COL4A4: variants seen among roughly 807,000 people sequenced by gnomAD.
The protein encoded by COL4A4 is collagen alpha-4(IV) chain.
In COL4A4, 105 loss-of-function variants were observed where a neutral mutation model predicts 192.9. The ratio of observed to expected loss-of-function variants is 0.54; its 90% CI spans 0.46 to 0.64. The LOEUF (loss-of-function observed/expected upper bound fraction) is 0.64, where lower values mean the gene tolerates loss of function less well. Among genes scored for constraint, COL4A4 ranks in the 30% least tolerant of loss-of-function variants. The pLI is 0.00. For missense variants in COL4A4, 1,967 were observed against 2,169.3 expected (o/e 0.91, Z 1.85); for synonymous variants, 762 against 769.9 (o/e 0.99, Z 0.17).
Position 227,077,911 on chromosome 2 carries a change from C to G in COL4A4, c.1970G>C (p.Gly657Ala), listed in dbSNP as rs755233004. 6.2e-7 allele frequency: 1 copy of G among 1,613,246 alleles called. No homozygotes were observed. Among genetic ancestry groups the G allele is most frequent in the Admixed American group, 1.7e-5 (1 of 60,022 alleles). ...PGHPGVRGPD[G>A]LKGQKGDTIS... ...AAAATTACCTTTCTGACCCTTCAAG[C>G]CATCAGGGCCCCTCACACCTGGGTG... Residue 657 changes from glycine to alanine, a missense_variant, in exon 25 of 48, where the codon GGC becomes GCC. Gly to Ala is a moderately conservative substitution (Grantham distance 60). Coordinates refer to ENST00000396625, the MANE Select transcript of COL4A4 (RefSeq NM_000092.5).
chr2:227,148,970 T>C (rs2063738373), intron 1 of COL4A4, among the ~76,000 whole-genome samples: 1 of 151,828 alleles, frequency 6.6e-6, no homozygotes. Context: ...GCCTCCTGAG[T>C]AGTTAGTGTG....
chr2:227,068,240 A>C (rs2150365366), intron 25 of COL4A4, among the ~76,000 whole-genome samples: 2 of 152,200 alleles, frequency 1.3e-5, no homozygotes, highest in African/African-American at 4.8e-5. Flanking sequence ...CTTACCAACT[A>C]AAAAGGGTCC....
At position 227,077,635 on chromosome 2, in the gene COL4A4, A is replaced by G. The variant is rs367804928; in HGVS notation, c.1987+259T>C. On this transcript the variant is annotated intron_variant, in intron 25 of 47. Coordinates refer to ENST00000396625, the MANE Select transcript of COL4A4 (RefSeq NM_000092.5). Reference sequence around the variant, plus strand: ...TATGTAACAAACCTGCTCATTCTACATATGTATCCCAGAACTTAAAGTAAA... The same window carrying G: ...TATGTAACAAACCTGCTCATTCTACGTATGTATCCCAGAACTTAAAGTAAA... 2.6e-5 allele frequency among the ~76,000 whole-genome samples: 4 copies of G among 152,152 alleles called. No individual in the cohort carries two copies. The East Asian group carries it at 7.7e-4, about 29-fold the overall frequency.
intron 3 of COL4A4, among the ~76,000 whole-genome samples, chr2:227,141,593 T>C (rs889509130): frequency 2.3e-4 from 35 of 152,242 alleles, no homozygotes; most frequent in African/African-American, 8.4e-4. Flanking sequence ...CAAAAGAAAA[T>C]ATCTTTAAGC....
At chr2:227,028,030 A>C (rs1392399241) in intron 41 of COL4A4, 21 bp from the exon 42 acceptor site, 5 of 1,473,380 alleles carry the variant, frequency 3.4e-6, no homozygotes, top group Non-Finnish European at 4.7e-6. Flanking sequence ...AACAAAACAT[A>C]AAAATGAGGG....
At chr2:227,149,128 C>T (rs991672602) in intron 1 of COL4A4, among the ~76,000 whole-genome samples, 7 of 152,060 alleles carry the variant, frequency 4.6e-5, no homozygotes, top group African/African-American at 9.7e-5. Flanking sequence ...AGATTACAGG[C>T]GTGAGCCACT....
intron 4 of COL4A4, among the ~76,000 whole-genome samples, chr2:227,135,291 G>A (rs571428716): frequency 3.7e-4 from 57 of 152,248 alleles, no homozygotes; most frequent in Non-Finnish European, 4.6e-4. Context: ...CTCTGAACCC[G>A]AAAAAGATCA....
At chr2:227,133,187 G>C (rs1163167042) in intron 4 of COL4A4, among the ~76,000 whole-genome samples, 2 of 152,166 alleles carry the variant, frequency 1.3e-5, no homozygotes, top group Non-Finnish European at 2.9e-5. Context: ...CACATGAGGA[G>C]ACCAAAGGCC....
chr2:226,983,047 T>G, the COL4A4 span, among the ~76,000 whole-genome samples: 1 of 152,206 alleles, frequency 6.6e-6, no homozygotes, highest in African/African-American at 2.4e-5. Flanking sequence ...GAAACCTACT[T>G]GTACTAAACC....
downstream of COL4A4, chr2:226,998,200 C>T (rs1426348036): frequency 6.6e-6 from 1 of 152,182 alleles, no homozygotes; most frequent in Non-Finnish European, 1.5e-5. Flanking sequence ...CTCTTAATGA[C>T]TCTGAATGTA....
chr2:227,033,760 G>A (rs1396028896), intron 37 of COL4A4, among the ~76,000 whole-genome samples: 1 of 152,256 alleles, frequency 6.6e-6, no homozygotes, highest in African/African-American at 2.4e-5. Flanking sequence ...ATATGGTCTA[G>A]AATTACTGAA....
At position 227,119,902 on chromosome 2, in the gene COL4A4, C is replaced by T; in HGVS notation, c.365G>A (p.Gly122Asp). 1.3e-6 allele frequency: 2 copies of T among 1,582,802 alleles called. No individual in the cohort carries two copies. The highest frequency in any genetic ancestry group is 1.2e-5 in the South Asian group (1 of 84,134). The change falls in exon 6 of 48, where the codon GGC (glycine) becomes GAC (aspartate). Residue 122 changes from glycine to aspartate, a missense_variant. Physicochemically the swap from Gly to Asp is moderately conservative, Grantham distance 94 (BLOSUM62 -1). Coordinates refer to ENST00000396625, the MANE Select transcript of COL4A4 (RefSeq NM_000092.5). ...AAATTTAGGGATACTTACAGGTATG[C>T]CATCTAAACCTGGAAATCCAGGAAC... ...TGVPGFPGLD[G>D]IPGHPGPPGP...
chr2:227,158,505 C>T lies in COL4A4; in HGVS notation c.-102+5502G>A, dbSNP rs141238804. Among the ~76,000 whole-genome samples, 980 of 152,016 alleles carry T rather than the reference C, an allele frequency of 6.4e-3. 5 individuals are homozygous for T. Among genetic ancestry groups the T allele is most frequent in the South Asian group, 0.042 (204 of 4,824 alleles). On this transcript the variant is annotated intron_variant, in intron 1 of 47. Transcript: ENST00000396625. ...TATTCCATCAAAATAAAAACTTTTG[C>T]TTCTTAAAAATAATAAGAAAATGAA...
chr2:227,107,253 T>C (rs764041538), intron 12 of COL4A4, among the ~76,000 whole-genome samples: 1 of 152,164 alleles, frequency 6.6e-6, no homozygotes, highest in Non-Finnish European at 1.5e-5. Flanking sequence ...CATTTTAAGT[T>C]GTCACAATTG....
chr2:227,102,057 A>G, intron 15 of COL4A4, 148 bp from the exon 16 acceptor site: 1 of 599,702 alleles, frequency 1.7e-6, no homozygotes, highest in Non-Finnish European at 3.0e-6. Context: ...TAAATATAAA[A>G]TAGATTCCAT....
chr2:227,112,272 C>CTTTT (rs544939081), intron 8 of COL4A4, among the ~76,000 whole-genome samples: 5 of 144,802 alleles, frequency 3.5e-5, no homozygotes, highest in African/African-American at 1.3e-4. Flanking sequence ...ACATTTCAAC[C>CTTTT]TTTTTTTTTT....
downstream of COL4A4, among the ~76,000 whole-genome samples, chr2:226,999,429 A>G (rs1023134539): frequency 6.6e-6 from 1 of 152,204 alleles, no homozygotes; most frequent in Non-Finnish European, 1.5e-5. Context: ...ACAAAGCTCA[A>G]GATTCCCACA....
the COL4A4 span, among the ~76,000 whole-genome samples, chr2:226,970,169 T>G: frequency 6.6e-5 from 10 of 151,934 alleles, no homozygotes; most frequent in African/African-American, 1.9e-4. Flanking sequence ...TGCACTGTGC[T>G]ATGTGATCCT....
chr2:227,135,034 C>G (rs1376110014), intron 4 of COL4A4, among the ~76,000 whole-genome samples: 1 of 152,216 alleles, frequency 6.6e-6, no homozygotes, highest in Non-Finnish European at 1.5e-5. Flanking sequence ...ACACAGAGAG[C>G]TTCCTCCCTT....
Sources: allele counts gnomAD v4.1 joint callset (sites outside exome capture counted in the v4.1 genomes callset), GRCh38; gene constraint gnomAD v4.1.1; transcripts MANE v1.5; gene names NCBI Gene and HGNC (gene_info 2026-07-23, HGNC 2026-07-21).